STT3B: variants seen among roughly 807,000 people sequenced by gnomAD.
The protein encoded by STT3B is dolichyl-diphosphooligosaccharide--protein glycosyltransferase subunit STT3B.
STT3B carries 29 observed loss-of-function variants against 96.8 expected under a neutral mutation model. The ratio of observed to expected loss-of-function variants is 0.30; its 90% CI spans 0.22 to 0.41. The LOEUF is 0.41. STT3B is among the 10% of genes least tolerant of loss of function. STT3B has a pLI of 1.00. For missense variants in STT3B, 640 were observed against 1,022.3 expected, an observed-to-expected ratio of 0.63 and a Z score of 5.10; for synonymous variants, 367 against 360.0, an observed-to-expected ratio of 1.02 and a Z score of -0.22.
At chr3:31,550,921 T>C (rs1575409338) in intron 1 of STT3B, among the ~76,000 whole-genome samples, 1 of 152,158 alleles carries the variant, frequency 6.6e-6, no homozygotes, top group African/African-American at 2.4e-5. Context: ...TTAGTTGGCC[T>C]TAGCTGCTTT....
intron 5 of STT3B, among the ~76,000 whole-genome samples, chr3:31,600,780 C>A (rs1039759083): frequency 5.3e-5 from 8 of 152,016 alleles, no homozygotes; most frequent in African/African-American, 1.9e-4. Flanking sequence ...TCGAATTCAA[C>A]TTACTGTAAG....
intron 3 of STT3B, among the ~76,000 whole-genome samples, chr3:31,580,573 T>G (rs556244494): frequency 5.6e-4 from 85 of 152,318 alleles, no homozygotes; most frequent in African/African-American, 1.8e-3. Flanking sequence ...TATTTTAGCT[T>G]TAGCTTGTAA....
intron 1 of STT3B, among the ~76,000 whole-genome samples, chr3:31,534,875 A>AT (rs779270011): frequency 3.9e-4 from 60 of 152,248 alleles, no homozygotes; most frequent in African/African-American, 1.4e-3. Flanking sequence ...AGTGTAGACT[A>AT]TTTATGAGCC....
chr3:31,629,796 T>G (rs993977667), intron 14 of STT3B, among the ~76,000 whole-genome samples: 2 of 152,178 alleles, frequency 1.3e-5, no homozygotes, highest in Admixed American at 6.5e-5. Context: ...AGATTCGAAG[T>G]AAATAGTCAC....
At chr3:31,553,112 A>G (rs1250846857) in intron 1 of STT3B, among the ~76,000 whole-genome samples, 1 of 151,894 alleles carries the variant, frequency 6.6e-6, no homozygotes, top group Non-Finnish European at 1.5e-5. Context: ...AAAAAAAAAA[A>G]AAAAAAACCA....
intron 1 of STT3B, among the ~76,000 whole-genome samples, chr3:31,546,118 A>G (rs1213594860): frequency 1.3e-5 from 2 of 152,018 alleles, no homozygotes; most frequent in Non-Finnish European, 2.9e-5. Flanking sequence ...ATATGTGTGG[A>G]TGTTTGCTGG....
At chr3:31,562,062 G>A (rs902677126) in intron 1 of STT3B, among the ~76,000 whole-genome samples, 4 of 152,068 alleles carry the variant, frequency 2.6e-5, no homozygotes, top group African/African-American at 9.7e-5. Flanking sequence ...GTTTTGGCCC[G>A]AGGGCAGCTT....
At chr3:31,619,164 C>G (rs1390436067) in intron 8 of STT3B, among the ~76,000 whole-genome samples, 1 of 152,080 alleles carries the variant, frequency 6.6e-6, no homozygotes, top group Admixed American at 6.5e-5. Flanking sequence ...AAATCATGAA[C>G]TTGTTGAGCA....
intron 1 of STT3B, among the ~76,000 whole-genome samples, chr3:31,535,138 A>G (rs1197185888): frequency 6.6e-6 from 1 of 152,076 alleles, no homozygotes; most frequent in Non-Finnish European, 1.5e-5. Flanking sequence ...ACGACTGTTT[A>G]ATAGTAACTC....
At chr3:31,570,211 G>A (rs1014903564) in intron 1 of STT3B, among the ~76,000 whole-genome samples, 2 of 152,202 alleles carry the variant, frequency 1.3e-5, no homozygotes, top group Admixed American at 6.5e-5. Flanking sequence ...ATTAAAGTAA[G>A]TGTTGATACT....
At chr3:31,576,097 C>A (rs1698257850) in intron 1 of STT3B, among the ~76,000 whole-genome samples, 1 of 152,034 alleles carries the variant, frequency 6.6e-6, no homozygotes, top group South Asian at 2.1e-4. Flanking sequence ...CTTCTGTCAG[C>A]AGTTCTTAAT....
chr3:31,619,067 G>A (rs1030554967), intron 8 of STT3B, among the ~76,000 whole-genome samples: 1 of 151,844 alleles, frequency 6.6e-6, no homozygotes, highest in African/African-American at 2.4e-5. Flanking sequence ...CCAGCTTCAT[G>A]TCAAGCAAGG....
chr3:31,599,420 G>A (rs978487003), intron 4 of STT3B, among the ~76,000 whole-genome samples: 2 of 152,030 alleles, frequency 1.3e-5, no homozygotes, highest in African/African-American at 2.4e-5. Flanking sequence ...TAGGACTGGC[G>A]CTCCATTAGA....
chr3:31,599,829 CCATTTTTAAGAAAAAAATTCATG>C (rs1698887970), intron 4 of STT3B, among the ~76,000 whole-genome samples: 1 of 152,026 alleles, frequency 6.6e-6, no homozygotes, highest in Non-Finnish European at 1.5e-5. Flanking sequence ...GCTTTGTAAT[CCATTTTTAAGAAAAAAATTCATG>C]CCCAACTAGC....
At chr3:31,568,311 T>C (rs1698056104) in intron 1 of STT3B, among the ~76,000 whole-genome samples, 1 of 152,214 alleles carries the variant, frequency 6.6e-6, no homozygotes. Flanking sequence ...TGAATAATGC[T>C]GCAATAAACA....
chr3:31,603,968 A>C (rs1698992037), intron 5 of STT3B, among the ~76,000 whole-genome samples: 1 of 152,164 alleles, frequency 6.6e-6, no homozygotes, highest in Non-Finnish European at 1.5e-5. Context: ...AATAAATAAG[A>C]CTTGGTTTTT....
chr3:31,618,312 A>AAC (rs1699354178), intron 8 of STT3B, among the ~76,000 whole-genome samples: 1 of 151,672 alleles, frequency 6.6e-6, no homozygotes, highest in Admixed American at 6.6e-5. Flanking sequence ...CTTTAGTAAT[A>AAC]ATTTTTTATT....
In STT3B at chr3:31,622,280, A is replaced by G. The variant is rs1354329053; in HGVS notation, c.1511A>G (p.Lys504Arg). The change falls in exon 10 of 16, where the codon AAA (lysine) becomes AGA (arginine). Residue 504 changes from lysine (K) to arginine (R), a missense_variant. By Grantham distance (26) the Lys-to-Arg change is conservative. Coordinates refer to ENST00000295770, the MANE Select transcript of STT3B (RefSeq NM_178862.3). ...PVEDSSDEDD[K>R]RNQGNLYDKA... ...GAGGACAGCAGTGATGAGGATGACA[A>G]AAGAAACCAAGGAAATTTGTATGAT... 3.1e-6 allele frequency: 5 copies of G among 1,613,992 alleles called. No homozygotes were observed. Among genetic ancestry groups the G allele is most frequent in the East Asian group, 2.2e-5 (1 of 44,872 alleles).
intron 4 of STT3B, among the ~76,000 whole-genome samples, 190 bp from the exon 5 acceptor site, chr3:31,600,170 T>C (rs1698898559): frequency 6.6e-6 from 1 of 152,144 alleles, no homozygotes; most frequent in South Asian, 2.1e-4. Flanking sequence ...ATTTGTGGGA[T>C]CGTGTTATTT....
Sources: allele counts gnomAD v4.1 joint callset (sites outside exome capture counted in the v4.1 genomes callset), GRCh38; gene constraint gnomAD v4.1.1; transcripts MANE v1.5; gene names NCBI Gene and HGNC (gene_info 2026-07-23, HGNC 2026-07-21).